Variants in SNCAIP observed in about 807,000 individuals in gnomAD.
The protein encoded by SNCAIP is synuclein alpha interacting protein.
In SNCAIP, 43 loss-of-function variants were observed where a neutral mutation model predicts 86.7. The ratio of observed to expected loss-of-function variants is 0.50; its 90% CI spans 0.39 to 0.64. The LOEUF is 0.64. Among genes scored for constraint, SNCAIP ranks in the 30% least tolerant of loss-of-function variants. SNCAIP has a pLI of 0.00. For synonymous variants in SNCAIP, 417 were observed against 427.2 expected (o/e 0.98, Z 0.29); for missense variants, 981 against 1,103.1 (o/e 0.89, Z 1.57).
chr5:122,344,753 A>G (rs1238524456), intron 1 of SNCAIP, among the ~76,000 whole-genome samples: 1 of 152,226 alleles, frequency 6.6e-6, no homozygotes, highest in Admixed American at 6.5e-5. Context: ...GTAACAATTT[A>G]TCCATTCAGA....
At chr5:122,452,941 G>T (rs1234744468) in intron 10 of SNCAIP, 34 of 1,547,894 alleles carry the variant, frequency 2.2e-5, no homozygotes, top group Non-Finnish European at 3.0e-5. Flanking sequence ...TACAGCAGCT[G>T]CATCAATCTT....
At chr5:122,323,882 C>T (rs970548056) in intron 1 of SNCAIP, among the ~76,000 whole-genome samples, 1 of 152,234 alleles carries the variant, frequency 6.6e-6, no homozygotes, top group African/African-American at 2.4e-5. Context: ...CTCCAATCCC[C>T]TCCCTGCTTT....
intron 1 of SNCAIP, among the ~76,000 whole-genome samples, chr5:122,323,020 C>T (rs1392036947): frequency 1.3e-5 from 2 of 152,124 alleles, no homozygotes; most frequent in Non-Finnish European, 2.9e-5. Flanking sequence ...TTTGAATTGG[C>T]TCAGTGAACT....
chr5:122,402,864 C>T (rs1386425526), intron 2 of SNCAIP, among the ~76,000 whole-genome samples: 3 of 152,082 alleles, frequency 2.0e-5, no homozygotes, highest in Non-Finnish European at 2.9e-5. Context: ...AGAACATTGT[C>T]CTTAGAGGTA....
chr5:122,413,911 TTTTG>T (rs1774687639), intron 3 of SNCAIP, among the ~76,000 whole-genome samples: 3 of 152,242 alleles, frequency 2.0e-5, no homozygotes, highest in South Asian at 4.1e-4. Flanking sequence ...TGGGGGATTT[TTTTG>T]TTTGTTTTTT....
At chr5:122,331,874 A>T (rs1296520413) in intron 1 of SNCAIP, among the ~76,000 whole-genome samples, 2 of 152,204 alleles carry the variant, frequency 1.3e-5, no homozygotes, top group Non-Finnish European at 2.9e-5. Context: ...TACATGAAAG[A>T]CTTTCTTTTT....
chr5:122,346,045 A>G (rs1344252198), intron 1 of SNCAIP, among the ~76,000 whole-genome samples: 1 of 152,154 alleles, frequency 6.6e-6, no homozygotes, highest in African/African-American at 2.4e-5. Flanking sequence ...AGGGCTGCCA[A>G]TTATGGAAAT....
chr5:122,461,361 G>T (rs566209874), intron 10 of SNCAIP, among the ~76,000 whole-genome samples: 22 of 152,134 alleles, frequency 1.4e-4, no homozygotes, highest in African/African-American at 5.1e-4. Context: ...TTTCAATCTG[G>T]AACCCTCAGT....
intron 1 of SNCAIP, among the ~76,000 whole-genome samples, chr5:122,377,546 T>A (rs1052338983): frequency 6.6e-6 from 1 of 151,010 alleles, no homozygotes; most frequent in Non-Finnish European, 1.5e-5. Context: ...GATCAGATAT[T>A]TTTTTTATAT....
chr5:122,422,583 A>G (rs1441221870), intron 3 of SNCAIP, among the ~76,000 whole-genome samples: 4 of 152,176 alleles, frequency 2.6e-5, no homozygotes, highest in African/African-American at 7.2e-5. Flanking sequence ...CTATCCAGGG[A>G]ATAAACCTAA....
intron 10 of SNCAIP, among the ~76,000 whole-genome samples, chr5:122,455,188 AC>A (rs1784502120): frequency 6.6e-6 from 1 of 152,130 alleles, no homozygotes; most frequent in African/African-American, 2.4e-5. Flanking sequence ...GGAAGTGGAA[AC>A]CTTAGTTCTT....
chr5:122,358,793 A>G (rs1761629607), intron 1 of SNCAIP, among the ~76,000 whole-genome samples: 1 of 152,140 alleles, frequency 6.6e-6, no homozygotes, highest in Admixed American at 6.6e-5. Context: ...GCTGCTGTGT[A>G]AGGATTGTAG....
chr5:122,346,857 CT>C (rs1758711271), intron 1 of SNCAIP, among the ~76,000 whole-genome samples: 1 of 151,072 alleles, frequency 6.6e-6, no homozygotes, highest in Non-Finnish European at 1.5e-5. Flanking sequence ...GTTTTCAGAC[CT>C]TTTGGTAGCC....
intron 1 of SNCAIP, among the ~76,000 whole-genome samples, chr5:122,365,040 G>C (rs904917754): frequency 2.6e-5 from 4 of 152,142 alleles, no homozygotes; most frequent in Non-Finnish European, 5.9e-5. Flanking sequence ...AATCTCAAAA[G>C]AATCTGCCAT....
chr5:122,356,813 C>T (rs1034009255), intron 1 of SNCAIP, among the ~76,000 whole-genome samples: 6 of 152,206 alleles, frequency 3.9e-5, no homozygotes, highest in Non-Finnish European at 5.9e-5. Flanking sequence ...TAGTATTACT[C>T]TAAACAAGCC....
At chr5:122,400,892 T>C (rs2152865653) in intron 2 of SNCAIP, 1 of 1,297,802 alleles carries the variant, frequency 7.7e-7, no homozygotes, top group East Asian at 2.7e-5. Context: ...GAATAACCTC[T>C]GGAAGACTTC....
rs534000210 is a variant in SNCAIP at position 122,404,940 on chromosome 5, C to T, written c.130+1075C>T. ...AATGCTTCAATGTTTGGGTCAGAAA[C>T]ATCACAGAAGATAGTTTTCAGTTCA... On this transcript the variant is annotated intron_variant, in intron 3 of 10. Transcript: ENST00000261368. 6.6e-4 allele frequency among the ~76,000 whole-genome samples: 101 copies of T among 152,222 alleles called. 1 individual carries two copies. The highest frequency in any genetic ancestry group is 2.3e-3 in the African/African-American group (97 of 41,544).
chr5:122,446,157 G>T (rs1452082717), intron 8 of SNCAIP, among the ~76,000 whole-genome samples: 2 of 152,020 alleles, frequency 1.3e-5, no homozygotes, highest in African/African-American at 4.8e-5. Context: ...AACACACTGT[G>T]CAAATGCCTT....
chr5:122,316,764 C>T (rs917661014), intron 1 of SNCAIP, among the ~76,000 whole-genome samples: 47 of 152,164 alleles, frequency 3.1e-4, no homozygotes, highest in African/African-American at 1.1e-3. Context: ...CCTAAAAGCT[C>T]ATGCAAGGTG....
Sources: gnomAD v4.1 joint callset for allele counts (sites outside exome capture counted in the v4.1 genomes callset) on GRCh38, gnomAD v4.1.1 for gene constraint, MANE v1.5 for transcripts, NCBI Gene and HGNC (gene_info 2026-07-23, HGNC 2026-07-21) for gene names.